ATP10A: variants seen among roughly 807,000 people sequenced by gnomAD.
ATP10A encodes phospholipid-transporting ATPase VA.
Under a neutral mutation model 147.8 loss-of-function variants are expected in ATP10A, and 111 were observed. The ratio of observed to expected loss-of-function variants is 0.75; its 90% confidence interval spans 0.64 to 0.88. The LOEUF is 0.88. ATP10A is among the 40% of genes least tolerant of loss of function. ATP10A has a pLI of 0.00. For synonymous variants in ATP10A, 875 were observed against 841.6 expected (o/e 1.04, Z -0.69); for missense variants, 1,927 against 1,959.0 (o/e 0.98, Z 0.31).
intron 1 of ATP10A, among the ~76,000 whole-genome samples, chr15:25,820,713 T>C (rs1481787908): frequency 6.6e-6 from 1 of 152,106 alleles, no homozygotes; most frequent in Admixed American, 6.5e-5. Flanking sequence ...AATTCAAAAA[T>C]GCTGCTTGGG....
chr15:25,826,976 C>T (rs925194579), intron 1 of ATP10A, among the ~76,000 whole-genome samples: 3 of 152,138 alleles, frequency 2.0e-5, no homozygotes, highest in East Asian at 1.9e-4. Flanking sequence ...CAAAACCCTA[C>T]ATTCGGTAAT....
chr15:25,802,582 C>G (rs1445937354), intron 1 of ATP10A, among the ~76,000 whole-genome samples: 1 of 152,222 alleles, frequency 6.6e-6, no homozygotes, highest in African/African-American at 2.4e-5. Context: ...CAGGGCCACG[C>G]TCCTTCCTGG....
chr15:25,863,001 C>T lies in ATP10A; in HGVS notation c.96G>A (p.Leu32=), dbSNP rs1270041398. The change falls in exon 1 of 21, where the codon CTG becomes CTA. Residue 32 remains leucine, a synonymous_variant. Transcript: ENST00000555815. Reference sequence around the variant, plus strand: ...CAGGGTCCTCGGCGCCCGGGGGCGGCAGCAGGTTGGAGCGCACCGTGCGCG... The same window carrying T: ...CAGGGTCCTCGGCGCCCGGGGGCGGTAGCAGGTTGGAGCGCACCGTGCGCG... ...GRTRTVRSNL[L]PPPGAEDPAA... is the part of the protein sequence containing the mutation. The T allele has an allele frequency of 7.1e-7, 1 of 1,408,058 alleles. No homozygotes were observed. The highest frequency in any genetic ancestry group is 9.2e-7 in the Non-Finnish European group (1 of 1,091,328). 87.2% of individuals were successfully genotyped at this position (1,408,058 alleles called of 1,614,324 possible).
chr15:25,850,442 C>T lies in ATP10A; in HGVS notation c.449+12206G>A, dbSNP rs1407843566. Among the ~76,000 whole-genome samples, 3 of 152,276 alleles carry T rather than the reference C, an allele frequency of 2.0e-5. No homozygotes were observed. The South Asian group carries it at 6.2e-4, about 32-fold the overall frequency. On this transcript the variant is annotated intron_variant, in intron 1 of 20. Coordinates refer to ENST00000555815, the MANE Select transcript of ATP10A (RefSeq NM_024490.4). ...CTTGGCAAAAAGCAACAGGAGAGGC[C>T]CCGGCTGTGTCTGGTACCGCCTCAG...
chr15:25,713,719 C>G lies in ATP10A; in HGVS notation c.2299G>C (p.Gly767Arg), dbSNP rs1210146692. Residue 767 changes from glycine to arginine, a missense_variant, in exon 10 of 21, where the codon GGG becomes CGG. Transcript: ENST00000555815. ...AGATCCATGACCACTGAGTCGGCCCCCTTGGTGTAGACGTTGATCTCATCG... is the reference window on the plus strand; with the variant it reads ...AGATCCATGACCACTGAGTCGGCCCGCTTGGTGTAGACGTTGATCTCATCG... ...LTDEINVYTK[G>R]ADSVVMDLLQ... is the part of the protein sequence containing the mutation. 1 of 1,614,018 alleles carries G rather than the reference C, an allele frequency of 6.2e-7. No homozygotes were observed. Among genetic ancestry groups the G allele is most frequent in the African/African-American group, 1.3e-5 (1 of 74,936 alleles).
At chr15:25,709,685 C>A (rs1175377162) in intron 10 of ATP10A, 5 of 152,338 alleles carry the variant, frequency 3.3e-5, no homozygotes, top group Non-Finnish European at 5.9e-5. Flanking sequence ...AGCCTAGTGA[C>A]AGGGAGCACC....
At chr15:25,852,702 C>T (rs1245702072) in intron 1 of ATP10A, among the ~76,000 whole-genome samples, 1 of 152,224 alleles carries the variant, frequency 6.6e-6, no homozygotes, top group Admixed American at 6.5e-5. Context: ...AAACCACTGT[C>T]TGTTATGCAG....
At position 25,862,870 on chromosome 15, in the gene ATP10A, G is replaced by A. The variant is rs1893831899; in HGVS notation, c.227C>T (p.Pro76Leu). The change falls in exon 1 of 21, where the codon CCC becomes CTC. Residue 76 changes from proline to leucine, a missense_variant. Coordinates refer to ENST00000555815, the MANE Select transcript of ATP10A (RefSeq NM_024490.4). ...TTKYTLLSFL[P>L]KNLFEQFHRP... ...GTGGAACTGCTCGAACAGGTTCTTG[G>A]GCAGGAAGGACAGCAGCGTGTACTT... The A allele has an allele frequency of 6.2e-7, 1 of 1,611,774 alleles. No homozygotes were observed.
At chr15:25,823,268 G>T (rs764884731) in intron 1 of ATP10A, among the ~76,000 whole-genome samples, 5 of 152,136 alleles carry the variant, frequency 3.3e-5, no homozygotes, top group African/African-American at 7.2e-5. Flanking sequence ...ATTAGCAACA[G>T]TATCGATGAT....
chr15:25,695,851 C>A (rs1367079314), intron 13 of ATP10A, among the ~76,000 whole-genome samples: 2 of 151,702 alleles, frequency 1.3e-5, no homozygotes. Flanking sequence ...CAAAGCTCTG[C>A]AAAAGGCTTT....
In ATP10A at chr15:25,702,003, G is replaced by T. The variant is rs1344965231; in HGVS notation, c.2673C>A (p.Asp891Glu). Residue 891 changes from aspartate to glutamate, a missense_variant, in exon 13 of 21, where the codon GAC (aspartate) becomes GAA (glutamate). Asp to Glu is a conservative substitution (Grantham distance 45). Coordinates refer to ENST00000555815, the MANE Select transcript of ATP10A (RefSeq NM_024490.4). ...AGLQIWVLTG[D>E]KQETAVNIAY... ...CAATGTTGACAGCTGTTTCTTGTTT[G>T]TCACCAGTGAGAACCCAAATCTGCA... is the stretch of plus-strand genomic sequence containing the variant. 2 of 1,614,188 alleles carry T rather than the reference G, an allele frequency of 1.2e-6. No homozygotes were observed.
chr15:25,814,489 T>A (rs1596941554), intron 1 of ATP10A, among the ~76,000 whole-genome samples: 1 of 152,322 alleles, frequency 6.6e-6, no homozygotes, highest in East Asian at 1.9e-4. Context: ...GTTCCACCAA[T>A]GATGTCTGCA....
At chr15:25,828,274 A>G (rs1180616347) in intron 1 of ATP10A, among the ~76,000 whole-genome samples, 2 of 152,218 alleles carry the variant, frequency 1.3e-5, no homozygotes, top group African/African-American at 4.8e-5. Context: ...GAAGACTTGA[A>G]AAATATTATA....
intron 2 of ATP10A, among the ~76,000 whole-genome samples, chr15:25,778,145 T>C (rs1010183843): frequency 5.9e-5 from 9 of 152,096 alleles, no homozygotes; most frequent in Non-Finnish European, 1.0e-4. Context: ...CTCCTTAACC[T>C]AAGCGTTGCA....
intron 1 of ATP10A, among the ~76,000 whole-genome samples, chr15:25,847,922 A>G (rs969146694): frequency 2.0e-5 from 3 of 151,862 alleles, no homozygotes; most frequent in Non-Finnish European, 4.4e-5. Context: ...GTGAGCCACC[A>G]CACCTGGCCT....
At chr15:25,802,692 G>A (rs989182442) in intron 1 of ATP10A, among the ~76,000 whole-genome samples, 5 of 152,170 alleles carry the variant, frequency 3.3e-5, no homozygotes, top group African/African-American at 1.2e-4. Context: ...TTGAAAGCCA[G>A]CAATGGTGGC....
intron 7 of ATP10A, 53 bp from the exon 8 acceptor site, chr15:25,718,452 A>G (rs8024374): frequency 1 from 1,521,913 of 1,522,006 alleles, 760,911 homozygotes; most frequent in South Asian, 1. Flanking sequence ...TGGGCGGAGC[A>G]GAAAGAAACC....
intron 1 of ATP10A, chr15:25,862,174 G>A (rs1268507956): frequency 9.2e-6 from 4 of 436,508 alleles, no homozygotes; most frequent in Non-Finnish European, 1.9e-5. Flanking sequence ...CTTGGCGGCA[G>A]TTTCACTTTG....
intron 17 of ATP10A, 98 bp from the exon 18 acceptor site, chr15:25,681,172 C>G: frequency 8.6e-7 from 1 of 1,156,110 alleles, no homozygotes. Flanking sequence ...TTAAAAACAA[C>G]AACAATAACA....
Sources: allele counts gnomAD v4.1 joint callset (sites outside exome capture counted in the v4.1 genomes callset), GRCh38; gene constraint gnomAD v4.1.1; transcripts MANE v1.5; gene names NCBI Gene and HGNC (gene_info 2026-07-23, HGNC 2026-07-21).